MYO19: variants seen among roughly 807,000 people sequenced by gnomAD.
MYO19 encodes the protein unconventional myosin-XIX.
MYO19 carries 132 observed loss-of-function variants against 129.2 expected under a neutral mutation model. The ratio of observed to expected loss-of-function variants is 1.02; its 90% CI spans 0.89 to 1.18. The LOEUF is 1.18. Among genes scored for constraint, MYO19 ranks in the 50% most tolerant of loss-of-function variants. The pLI is 0.00. For missense variants in MYO19, 1,210 were observed against 1,216.7 expected (o/e 0.99, Z 0.08); for synonymous variants, 531 against 477.2 (o/e 1.11, Z -1.47).
At chr17:36,498,992 G>T in intron 24 of MYO19, 83 bp downstream of exon 24, 1 of 1,132,604 alleles carries the variant, frequency 8.8e-7, no homozygotes, top group Non-Finnish European at 1.3e-6. Flanking sequence ...GCATTGCAGT[G>T]GCAGAGCCAG....
intron 17 of MYO19, 79 bp from the exon 18 acceptor site, chr17:36,506,687 A>C (rs1207065808): frequency 6.8e-7 from 1 of 1,464,808 alleles, no homozygotes; most frequent in East Asian, 2.4e-5. Context: ...CCCAAGCCGC[A>C]GATGACGGGG....
At chr17:36,522,498 G>T (rs976005640) in intron 6 of MYO19, among the ~76,000 whole-genome samples, 2 of 150,630 alleles carry the variant, frequency 1.3e-5, no homozygotes, top group Non-Finnish European at 3.0e-5. Flanking sequence ...GCGACAGTGC[G>T]AGACTTGGTC....
At chr17:36,544,247 C>T (rs1228515094), upstream of MYO19, among the ~76,000 whole-genome samples, 1 of 152,210 alleles carries the variant, frequency 6.6e-6, no homozygotes, top group Non-Finnish European at 1.5e-5. Context: ...CTATTTCCTT[C>T]CAGTGTAACG....
chr17:36,518,791 TA>T (rs1421206293), intron 6 of MYO19, among the ~76,000 whole-genome samples: 2 of 151,690 alleles, frequency 1.3e-5, no homozygotes, highest in African/African-American at 4.8e-5. Flanking sequence ...GTGAGATAGA[TA>T]GATAGACAGA....
chr17:36,506,963 C>G lies in MYO19; in HGVS notation c.1644G>C (p.Lys548Asn). 1.3e-6 allele frequency: 2 copies of G among 1,592,230 alleles called. No individual in the cohort carries two copies. The highest frequency in any genetic ancestry group is 1.7e-6 in the Non-Finnish European group (2 of 1,164,170). The part of the protein sequence containing the change: ...YHTAGLVEKN[K>N]DPIPPELTRL... ...CCACAGGGCATGGCCCAGCCCGTAC[C>G]TTGTTCTTCTCCACCAGGCCTGCTG... Residue 548 changes from lysine to asparagine, a missense_variant and splice_region_variant, in exon 17 of 26, where the codon AAG becomes AAC. Transcript: ENST00000614623.
chr17:36,495,708 G>A lies in MYO19; in HGVS notation c.*543C>T, dbSNP rs1233399915. On this transcript the variant is annotated 3_prime_UTR_variant, in exon 26 of 26. Coordinates refer to ENST00000614623, the MANE Select transcript of MYO19 (RefSeq NM_001163735.2). ...CGATATCAAGCTTACACTTCATATGGAGTTAAACTTGGTCAGTGTTAATAA... is the reference window on the plus strand; with the variant it reads ...CGATATCAAGCTTACACTTCATATGAAGTTAAACTTGGTCAGTGTTAATAA... 1.6e-6 allele frequency: 2 copies of A among 1,253,262 alleles called. No homozygotes were observed. Among genetic ancestry groups the A allele is most frequent in the African/African-American group, 3.1e-5 (2 of 64,854 alleles). 77.6% of individuals were successfully genotyped at this position (1,253,262 alleles called of 1,614,324 possible).
chr17:36,512,389 CAAAA>C (rs551345278), intron 11 of MYO19, among the ~76,000 whole-genome samples: 1 of 77,908 alleles, frequency 1.3e-5, no homozygotes. Flanking sequence ...AACTCCATCT[CAAAA>C]AAAAAAAAAA....
intron 18 of MYO19, 72 bp from the exon 19 acceptor site, chr17:36,505,476 T>A: frequency 9.0e-7 from 1 of 1,108,592 alleles, no homozygotes; most frequent in Non-Finnish European, 1.3e-6. Context: ...CTCTGGTTAG[T>A]AACTACATCA....
At chr17:36,508,094 C>T (rs1411623155) in intron 14 of MYO19, 170 bp from the exon 15 acceptor site, 7 of 621,900 alleles carry the variant, frequency 1.1e-5, no homozygotes, top group African/African-American at 3.7e-5. Context: ...CTTCCCCACC[C>T]TCCACCCAAG....
chr17:36,495,685 A>G lies in MYO19; in HGVS notation c.*566T>C. The G allele has an allele frequency of 7.9e-7, 1 of 1,266,242 alleles. No individual in the cohort carries two copies. The highest frequency in any genetic ancestry group is 3.0e-5 in the East Asian group (1 of 33,354). The allele number at this position is 1,266,242 out of a possible 1,614,324, so 78.4% of individuals were successfully genotyped here. A position where few individuals can be genotyped will look rare whatever the true frequency, so the allele number is the denominator to read the frequency against. On this transcript the variant is annotated 3_prime_UTR_variant, in exon 26 of 26. Coordinates refer to ENST00000614623, the MANE Select transcript of MYO19 (RefSeq NM_001163735.2). ...GTACAGTTGATAGACATCATAAACG[A>G]TATCAAGCTTACACTTCATATGGAG... is the stretch of plus-strand genomic sequence containing the variant.
chr17:36,511,283 ACCAT>A, intron 12 of MYO19, 78 bp downstream of exon 12: 1 of 1,447,756 alleles, frequency 6.9e-7, no homozygotes, highest in Non-Finnish European at 9.5e-7. Context: ...TCCAATTTTC[ACCAT>A]CCAGCCTTCC....
At chr17:36,499,214 G>C in intron 23 of MYO19, 54 bp from the exon 24 acceptor site, 1 of 1,356,154 alleles carries the variant, frequency 7.4e-7, no homozygotes, top group Non-Finnish European at 1.0e-6. Flanking sequence ...CATTAGAGCT[G>C]TCAGTGACCT....
rs1319723580 is a variant in MYO19 at position 36,518,550 on chromosome 17, A to G, written c.415-2560T>C. ...AAAATATATATATATATATATATAT[A>G]TATGTGTATGTGTATATATATGTAT... On this transcript the variant is annotated intron_variant, in intron 6 of 25. Transcript: ENST00000614623. Among the ~76,000 whole-genome samples, 9 of 99,710 alleles carry G rather than the reference A, an allele frequency of 9.0e-5. No homozygotes were observed. In the South Asian group the frequency reaches 9.7e-4, roughly 11 times the overall value. 65.4% of individuals were successfully genotyped at this position (99,710 alleles called of 152,430 possible). A position where few individuals can be genotyped will look rare whatever the true frequency, so the allele number is the denominator to read the frequency against.
In MYO19 at chr17:36,495,877, A is replaced by G. The variant is rs537553174; in HGVS notation, c.*374T>C. 12 of 1,238,974 alleles carry G rather than the reference A, an allele frequency of 9.7e-6. No homozygotes were observed. The African/African-American group carries it at 1.9e-4, about 19-fold the overall frequency. 76.7% of individuals were successfully genotyped at this position (1,238,974 alleles called of 1,614,324 possible). A position where few individuals can be genotyped will look rare whatever the true frequency, so the allele number is the denominator to read the frequency against. On this transcript the variant is annotated 3_prime_UTR_variant, in exon 26 of 26. Transcript: ENST00000614623. The stretch of plus-strand genomic sequence containing the variant: ...CAAGATTTTTCCCAGCCCAAATTCC[A>G]GCGCCAATTTTAGGCCAACTTTGGC...
At chr17:36,528,029 G>A (rs1319331490) in intron 4 of MYO19, 35 bp downstream of exon 4, 1 of 1,598,292 alleles carries the variant, frequency 6.3e-7, no homozygotes. Flanking sequence ...CCAACCTCCT[G>A]GAGATGATAC....
chr17:36,536,099 A>G (rs2074113418), upstream of MYO19, among the ~76,000 whole-genome samples: 1 of 152,156 alleles, frequency 6.6e-6, no homozygotes, highest in South Asian at 2.1e-4. Flanking sequence ...TCAGACAATG[A>G]TGTGTGGCAT....
chr17:36,514,343 G>T, intron 9 of MYO19, 103 bp downstream of exon 9: 1 of 762,640 alleles, frequency 1.3e-6, no homozygotes, highest in Non-Finnish European at 2.3e-6. Flanking sequence ...CAAAAGCTAG[G>T]TGAAGGAACC....
At chr17:36,541,356 A>T (rs1157815770) in intron 2 of MYO19, among the ~76,000 whole-genome samples, 1 of 152,226 alleles carries the variant, frequency 6.6e-6, no homozygotes, top group Non-Finnish European at 1.5e-5. Flanking sequence ...TAAATGTCCA[A>T]TGTATTTATA....
At chr17:36,504,331 C>G in intron 19 of MYO19, 1 of 336,924 alleles carries the variant, frequency 3.0e-6, no homozygotes. Context: ...ACCACACAAC[C>G]CAGCCCAGGC....
Sources: allele counts gnomAD v4.1 joint callset (sites outside exome capture counted in the v4.1 genomes callset), GRCh38; gene constraint gnomAD v4.1.1; transcripts MANE v1.5; gene names NCBI Gene and HGNC (gene_info 2026-07-23, HGNC 2026-07-21).